The following UGT1A1 variants were observed in gnomAD, a reference collection of about 807,000 sequenced individuals.
UGT1A1 encodes the protein UDP-glucuronosyltransferase 1A1.
Under a neutral mutation model 40.6 loss-of-function variants are expected in UGT1A1, and 33 were observed. The ratio of observed to expected loss-of-function variants is 0.81; its 90% CI spans 0.62 to 1.09. The LOEUF is 1.09. Among genes scored for constraint, UGT1A1 ranks in the 50% least tolerant of loss-of-function variants. UGT1A1 has a pLI of 0.00. For synonymous variants in UGT1A1, 249 were observed against 265.0 expected, an observed-to-expected ratio of 0.94 and a Z score of 0.59; for missense variants, 694 against 671.2, an observed-to-expected ratio of 1.03 and a Z score of -0.38.
intron 1 of UGT1A1, among the ~76,000 whole-genome samples, chr2:233,763,176 T>C (rs1474049260): frequency 6.6e-6 from 1 of 152,268 alleles, no homozygotes; most frequent in Admixed American, 6.5e-5. Context: ...GTTGACTACA[T>C]ATTTGTTGTT....
At chr2:233,763,986 C>T (rs923828078) in intron 1 of UGT1A1, among the ~76,000 whole-genome samples, 3 of 152,116 alleles carry the variant, frequency 2.0e-5, no homozygotes, top group Non-Finnish European at 4.4e-5. Context: ...ACTGGGAATG[C>T]GTGATGGTGA....
In UGT1A1 at chr2:233,772,954, T is replaced by C; in HGVS notation, c.*395T>C. 6.3e-6 allele frequency: 2 copies of C among 319,870 alleles called. No individual in the cohort carries two copies. Among genetic ancestry groups the C allele is most frequent in the Non-Finnish European group, 1.2e-5 (2 of 168,958 alleles). 19.8% of individuals were successfully genotyped at this position (319,870 alleles called of 1,614,324 possible). ...CTTATCTTTTGGCTTCTGCAGATGG[T>C]TGCAATTGATCCTTAACCAATAATG... On this transcript the variant is annotated 3_prime_UTR_variant, in exon 5 of 5. Transcript: ENST00000305208.
chr2:233,771,905 G>T (rs1048759513), intron 4 of UGT1A1, among the ~76,000 whole-genome samples: 4 of 151,250 alleles, frequency 2.6e-5, no homozygotes, highest in Non-Finnish European at 5.9e-5. Flanking sequence ...CCTTTCAGGT[G>T]ATAATAGTAA....
intron 1 of UGT1A1, among the ~76,000 whole-genome samples, chr2:233,761,736 C>T (rs111883427): frequency 6.5e-4 from 99 of 152,322 alleles, no homozygotes; most frequent in African/African-American, 2.3e-3. Flanking sequence ...TATTTTTCCC[C>T]TACAGAGTTT....
chr2:233,770,514 C>T (rs191930447), intron 4 of UGT1A1: 1 of 152,136 alleles, frequency 6.6e-6, no homozygotes, highest in Non-Finnish European at 1.5e-5. Flanking sequence ...AAAAATTACC[C>T]AGGCATGGTG....
At chr2:233,765,000 T>A (rs907940038) in intron 1 of UGT1A1, among the ~76,000 whole-genome samples, 1 of 152,020 alleles carries the variant, frequency 6.6e-6, no homozygotes. Context: ...TTCCTGGTCA[T>A]GTTCCAAATC....
Position 233,760,837 on chromosome 2 carries a change from A to T in UGT1A1, c.550A>T (p.Thr184Ser), listed in dbSNP as rs1440575421. 2.5e-6 allele frequency: 4 copies of T among 1,613,664 alleles called. No homozygotes were observed. The highest frequency in any genetic ancestry group is 3.4e-6 in the Non-Finnish European group (4 of 1,179,756). The change falls in exon 1 of 5, where the codon ACC becomes TCC. Residue 184 changes from threonine (T) to serine (S), a missense_variant. Transcript: ENST00000305208. ...ALPCSLEFEA[T>S]QCPNPFSYVP... is the part of the protein sequence containing the mutation. ...GCCATGCAGCCTGGAATTTGAGGCT[A>T]CCCAGTGCCCCAACCCATTCTCCTA... is the stretch of plus-strand genomic sequence containing the variant.
rs1183097052 is a variant in UGT1A1, at chr2:233,768,306, A to G, written c.1171A>G (p.Met391Val). Residue 391 changes from methionine to valine, a missense_variant, in exon 4 of 5, where the codon ATG (methionine) becomes GTG (valine). Met to Val is a conservative substitution (Grantham distance 21, BLOSUM62 1). Coordinates refer to ENST00000305208, the MANE Select transcript of UGT1A1 (RefSeq NM_000463.3). ...ATGCAATGGCGTTCCCATGGTGATG[A>G]TGCCCTTGTTTGGTGATCAGATGGA... ...SICNGVPMVM[M>V]PLFGDQMDNA... 6.2e-7 allele frequency: 1 copy of G among 1,614,086 alleles called. No homozygotes were observed. The highest frequency in any genetic ancestry group is 1.7e-5 in the Admixed American group (1 of 60,000).
At position 233,772,409 on chromosome 2, in the gene UGT1A1, C is replaced by T. The variant is rs147132183; in HGVS notation, c.1452C>T (p.Tyr484=). The part of the protein sequence containing the change: ...LRPAAHDLTW[Y]QYHSLDVIGF... ...CCGCAGCCCACGACCTCACCTGGTA[C>T]CAGTACCATTCCTTGGACGTGATTG... is the stretch of plus-strand genomic sequence containing the variant. Residue 484 remains tyrosine (Y), a synonymous_variant, in exon 5 of 5, where the codon TAC becomes TAT. Coordinates refer to ENST00000305208, the MANE Select transcript of UGT1A1 (RefSeq NM_000463.3). 8.1e-6 allele frequency: 13 copies of T among 1,614,110 alleles called. No homozygotes were observed. In the African/African-American group the frequency reaches 1.2e-4, roughly 15 times the overall value.
At position 233,760,866 on chromosome 2, in the gene UGT1A1, G is replaced by A. The variant is rs1437871677; in HGVS notation, c.579G>A (p.Val193=). Residue 193 remains valine, a synonymous_variant, in exon 1 of 5, where the codon GTG becomes GTA. Transcript: ENST00000305208. ...AGTGCCCCAACCCATTCTCCTACGT[G>A]CCCAGGCCTCTCTCCTCTCATTCAG... is the stretch of plus-strand genomic sequence containing the variant. ...ATQCPNPFSY[V]PRPLSSHSDH... is the part of the protein sequence containing the mutation. 3.7e-6 allele frequency: 6 copies of A among 1,613,948 alleles called. No homozygotes were observed. In the African/African-American group the frequency reaches 8.0e-5, roughly 22 times the overall value.
chr2:233,765,693 AAAT>A (rs1266056248), intron 1 of UGT1A1, among the ~76,000 whole-genome samples: 9 of 147,360 alleles, frequency 6.1e-5, no homozygotes, highest in East Asian at 2.0e-4. Flanking sequence ...AACTTCAAGT[AAAT>A]AATAATAATA....
Position 233,761,057 on chromosome 2 carries a change from G to A in UGT1A1, c.770G>A (p.Arg257Lys). The A allele has an allele frequency of 6.2e-7, 1 of 1,614,206 alleles. No individual in the cohort carries two copies. ...AGCTCTGCATCTGTCTGGCTGTTTAGAAGTGACTTTGTGAAGGATTACCCT... is the reference window on the plus strand; with the variant it reads ...AGCTCTGCATCTGTCTGGCTGTTTAAAAGTGACTTTGTGAAGGATTACCCT... ...LLSSASVWLF[R>K]SDFVKDYPRP... The change falls in exon 1 of 5, where the codon AGA (arginine) becomes AAA (lysine). Residue 257 changes from arginine to lysine, a missense_variant. Transcript: ENST00000305208.
chr2:233,768,515 C>T (rs548796271), intron 4 of UGT1A1, 76 bp downstream of exon 4: 42 of 1,546,024 alleles, frequency 2.7e-5, no homozygotes, highest in African/African-American at 1.8e-4. Context: ...AAAACATTTA[C>T]GTAGCATTTA....
rs1360622092 is a variant in UGT1A1 at position 233,760,931 on chromosome 2, T to C, written c.644T>C (p.Ile215Thr). The change falls in exon 1 of 5, where the codon ATT becomes ACT. Residue 215 changes from isoleucine (I) to threonine (T), a missense_variant. Ile to Thr is a moderately conservative substitution (Grantham distance 89). Coordinates refer to ENST00000305208, the MANE Select transcript of UGT1A1 (RefSeq NM_000463.3). ...CTGCAGCGGGTGAAGAACATGCTCA[T>C]TGCCTTTTCACAGAACTTTCTGTGC... The part of the protein sequence containing the change: ...TFLQRVKNML[I>T]AFSQNFLCDV... 4.3e-6 allele frequency: 7 copies of C among 1,614,090 alleles called. No individual in the cohort carries two copies. Among genetic ancestry groups the C allele is most frequent in the South Asian group, 2.2e-5 (2 of 91,086 alleles).
Position 233,760,975 on chromosome 2 carries a change from T to A in UGT1A1, c.688T>A (p.Tyr230Asn). The A allele has an allele frequency of 6.2e-7, 1 of 1,614,220 alleles. No homozygotes were observed. Among genetic ancestry groups the A allele is most frequent in the Non-Finnish European group, 8.5e-7 (1 of 1,180,036 alleles). Residue 230 changes from tyrosine (Y) to asparagine (N), a missense_variant, in exon 1 of 5, where the codon TAT becomes AAT. Transcript: ENST00000305208. Reference protein sequence around the residue: ...NFLCDVVYSPYATLASEFLQR... With the variant: ...NFLCDVVYSPNATLASEFLQR... ...TCTGTGCGACGTGGTTTATTCCCCG[T>A]ATGCAACCCTTGCCTCAGAATTCCT...
chr2:233,762,228 C>T (rs1312160230), intron 1 of UGT1A1, among the ~76,000 whole-genome samples: 1 of 152,108 alleles, frequency 6.6e-6, no homozygotes, highest in Admixed American at 6.5e-5. Flanking sequence ...AATCTCAGCA[C>T]CTAAGGCACA....
In UGT1A1 at chr2:233,769,851, C is replaced by A; in HGVS notation, c.1304+1412C>A. On this transcript the variant is annotated intron_variant, in intron 4 of 4. Coordinates refer to ENST00000305208, the MANE Select transcript of UGT1A1 (RefSeq NM_000463.3). The surrounding 1 kb of genome is among the most constrained non-coding windows in gnomAD (Gnocchi z 4.4). ...GCAACCTGGGCAACAGAGTGAGACC[C>A]TGTCTCAAAAAAAAAAAAAAAAATG... The A allele has an allele frequency of 2.1e-6, 1 of 479,202 alleles. No homozygotes were observed. Among genetic ancestry groups the A allele is most frequent in the Non-Finnish European group, 3.3e-6 (1 of 301,676 alleles). The allele number at this position is 479,202 out of a possible 1,614,324, so 29.7% of individuals were successfully genotyped here. A position where few individuals can be genotyped will look rare whatever the true frequency, so the allele number is the denominator to read the frequency against.
At chr2:233,767,231 C>A in intron 2 of UGT1A1, 66 bp downstream of exon 2, 1 of 1,609,938 alleles carries the variant, frequency 6.2e-7, no homozygotes, top group Non-Finnish European at 8.5e-7. Flanking sequence ...AGACTTCCAG[C>A]TTCCAGATTA....
chr2:233,760,292 C>T lies in UGT1A1; in HGVS notation c.5C>T (p.Ala2Val), dbSNP rs1437444805. 1.2e-6 allele frequency: 2 copies of T among 1,613,246 alleles called. No homozygotes were observed. The highest frequency in any genetic ancestry group is 1.7e-5 in the Admixed American group (1 of 60,010). The change falls in exon 1 of 5, where the codon GCT (alanine) becomes GTT (valine). Residue 2 changes from alanine (A) to valine (V), a missense_variant. Ala to Val is a moderately conservative substitution (Grantham distance 64). Transcript: ENST00000305208. ...TCTGGCAGGAGCAAAGGCGCCATGG[C>T]TGTGGAGTCCCAGGGCGGACGCCCA... M[A>V]VESQGGRPLV... is the part of the protein sequence containing the mutation.
Sources: gnomAD v4.1 joint callset for allele counts (sites outside exome capture counted in the v4.1 genomes callset) on GRCh38, gnomAD v4.1.1 for gene constraint, Gnocchi (gnomAD v3.1) non-coding constraint, MANE v1.5 for transcripts, NCBI Gene and HGNC (gene_info 2026-07-23, HGNC 2026-07-21) for gene names.